Variants in TTC29 observed in about 807,000 individuals in gnomAD.
TTC29 encodes tetratricopeptide repeat domain 29.
Under a neutral mutation model 58.1 loss-of-function variants are expected in TTC29, and 49 were observed. The ratio of observed to expected loss-of-function variants is 0.84; its 90% CI spans 0.67 to 1.07. TTC29 has a LOEUF of 1.07. Ranked by LOEUF, TTC29 falls within the 50% of genes least tolerant of loss-of-function variation. The pLI, the probability that TTC29 is intolerant of heterozygous loss-of-function variation, is 0.00. For missense variants in TTC29, 582 were observed against 555.6 expected (o/e 1.05, Z -0.48); for synonymous variants, 209 against 196.8 (o/e 1.06, Z -0.52).
chr4:146,803,577 T>C lies in TTC29; in HGVS notation c.1210A>G (p.Lys404Glu). ...DETKVHYGIA[K>E]AHQMMLTVNN... ...ACTGTAAGCATCATCTGATGAGCTT[T>C]TGCTATTCCATAGTGAACTTTTGTC... Residue 404 changes from lysine to glutamate, a missense_variant, in exon 11 of 13, where the codon AAA becomes GAA. Physicochemically the swap from Lys to Glu is moderately conservative, Grantham distance 56 (BLOSUM62 1). Coordinates refer to ENST00000325106, the MANE Select transcript of TTC29 (RefSeq NM_031956.4). 1 of 1,607,684 alleles carries C rather than the reference T, an allele frequency of 6.2e-7. No individual in the cohort carries two copies. Among genetic ancestry groups the C allele is most frequent in the South Asian group, 1.1e-5 (1 of 89,644 alleles).
intron 4 of TTC29, among the ~76,000 whole-genome samples, chr4:146,911,608 A>G (rs530422471): frequency 6.6e-6 from 1 of 152,324 alleles, no homozygotes; most frequent in Non-Finnish European, 1.5e-5. Context: ...GCCTTGGTTC[A>G]GTAGCCTGGC....
At chr4:146,846,303 C>CA (rs1246292148) in intron 8 of TTC29, among the ~76,000 whole-genome samples, 1 of 152,144 alleles carries the variant, frequency 6.6e-6, no homozygotes, top group Non-Finnish European at 1.5e-5. Flanking sequence ...ATCACATTCT[C>CA]AGACAAATAA....
intron 8 of TTC29, among the ~76,000 whole-genome samples, chr4:146,840,311 G>C (rs958095109): frequency 1.3e-5 from 2 of 151,916 alleles, no homozygotes; most frequent in African/African-American, 2.4e-5. Context: ...TCCCAGTAAA[G>C]AGAACTGCAG....
chr4:146,923,955 AT>A (rs1433059749), intron 4 of TTC29, among the ~76,000 whole-genome samples: 1 of 149,996 alleles, frequency 6.7e-6, no homozygotes, highest in Non-Finnish European at 1.5e-5. Context: ...ATGTACATGT[AT>A]GTGTATAGGT....
At chr4:146,824,405 T>C (rs1447464782) in intron 9 of TTC29, among the ~76,000 whole-genome samples, 1 of 152,216 alleles carries the variant, frequency 6.6e-6, no homozygotes, top group Non-Finnish European at 1.5e-5. Flanking sequence ...GGGTTACATT[T>C]ATTGATTTGC....
intron 7 of TTC29, among the ~76,000 whole-genome samples, chr4:146,874,505 G>C (rs1158944192): frequency 6.6e-6 from 1 of 152,132 alleles, no homozygotes; most frequent in African/African-American, 2.4e-5. Flanking sequence ...TAATTTTGGA[G>C]ATAAAGCTTT....
intron 11 of TTC29, among the ~76,000 whole-genome samples, chr4:146,708,318 A>ATATATATACATACATG (rs1742152416): frequency 2.6e-4 from 7 of 26,748 alleles, no homozygotes; most frequent in African/African-American, 5.0e-4. Flanking sequence ...TTATATATAT[A>ATATATATACATACATG]TATATATATA....
chr4:146,932,883 C>T (rs543173897), intron 4 of TTC29, among the ~76,000 whole-genome samples: 237 of 151,836 alleles, frequency 1.6e-3, no homozygotes, highest in African/African-American at 5.2e-3. Context: ...GGTGAAACCC[C>T]GTCTCTACTA....
intron 4 of TTC29, among the ~76,000 whole-genome samples, chr4:146,922,012 C>CAAAAAA (rs34167190): frequency 1.3e-3 from 139 of 107,344 alleles, no homozygotes; most frequent in East Asian, 3.3e-3. Flanking sequence ...GGATCCCCTA[C>CAAAAAA]AAAAAAAAAA....
Position 146,739,973 on chromosome 4 carries a change from G to A in TTC29, c.1331-32422C>T, listed in dbSNP as rs143159975. ...TGTGCCTCTTACAGGCTGAGTCCTAGGAAAAGTCTCCTAAGGACTTTATCT... is the reference window on the plus strand; with the variant it reads ...TGTGCCTCTTACAGGCTGAGTCCTAAGAAAAGTCTCCTAAGGACTTTATCT... On this transcript the variant is annotated intron_variant, in intron 11 of 12. Transcript: ENST00000325106. Among the ~76,000 whole-genome samples the A allele has an allele frequency of 4.0e-4, 61 of 152,248 alleles. 1 individual carries two copies. In the East Asian group the frequency reaches 0.011, roughly 28 times the overall value.
At chr4:146,753,285 A>G (rs1009774647) in intron 11 of TTC29, among the ~76,000 whole-genome samples, 2 of 152,262 alleles carry the variant, frequency 1.3e-5, no homozygotes, top group African/African-American at 4.8e-5. Flanking sequence ...TATGCAGCCA[A>G]AAAACACATG....
intron 11 of TTC29, among the ~76,000 whole-genome samples, chr4:146,760,928 T>A (rs181674863): frequency 6.2e-4 from 94 of 151,200 alleles, no homozygotes; most frequent in African/African-American, 2.1e-3. Flanking sequence ...TAACAGCATC[T>A]ACAGTGACCT....
chr4:146,752,240 T>A (rs554525686), intron 11 of TTC29, among the ~76,000 whole-genome samples: 1 of 150,828 alleles, frequency 6.6e-6, no homozygotes, highest in African/African-American at 2.5e-5. Context: ...AAAATCAATG[T>A]ACAAAAATCA....
chr4:146,928,530 A>G, intron 4 of TTC29, among the ~76,000 whole-genome samples: 1 of 152,162 alleles, frequency 6.6e-6, no homozygotes. Flanking sequence ...GACTGGCCTT[A>G]ATTAAAAAGT....
chr4:146,717,610 G>A (rs561784455), intron 11 of TTC29, among the ~76,000 whole-genome samples: 1 of 151,944 alleles, frequency 6.6e-6, no homozygotes, highest in African/African-American at 2.4e-5. Context: ...ATTTTTAATT[G>A]TACATTGACA....
intron 11 of TTC29, among the ~76,000 whole-genome samples, chr4:146,791,067 A>G (rs891639226): frequency 2.6e-5 from 4 of 152,336 alleles, no homozygotes; most frequent in Middle Eastern, 3.4e-3. Flanking sequence ...TATGACTATC[A>G]TAAGTAGAGT....
chr4:146,708,053 G>T (rs962792277), intron 11 of TTC29, among the ~76,000 whole-genome samples: 21 of 151,790 alleles, frequency 1.4e-4, no homozygotes, highest in Admixed American at 3.3e-4. Context: ...CAAGTCTCCA[G>T]CCTGTGAGTG....
At chr4:146,811,998 T>C (rs1561148580) in intron 10 of TTC29, among the ~76,000 whole-genome samples, 1 of 152,008 alleles carries the variant, frequency 6.6e-6, no homozygotes, top group Non-Finnish European at 1.5e-5. Context: ...TTCTCTTTCT[T>C]CAAGGCATAA....
intron 11 of TTC29, among the ~76,000 whole-genome samples, chr4:146,787,952 A>C (rs1357714704): frequency 6.6e-6 from 1 of 152,008 alleles, no homozygotes; most frequent in East Asian, 1.9e-4. Context: ...TTGTTTAAGA[A>C]AGAGGGCTCC....
Sources: allele counts gnomAD v4.1 joint callset (sites outside exome capture counted in the v4.1 genomes callset), GRCh38; gene constraint gnomAD v4.1.1; transcripts MANE v1.5; gene names NCBI Gene and HGNC (gene_info 2026-07-23, HGNC 2026-07-21).